Variants in CRAT observed in about 807,000 individuals in gnomAD.
CRAT encodes the protein carnitine O-acetyltransferase, also known as carnitine acetylase.
Under a neutral mutation model 73.7 loss-of-function variants are expected in CRAT, and 66 were observed. The observed-to-expected ratio is 0.90, with a 90% CI of 0.73 to 1.10. CRAT has a LOEUF of 1.10. Among genes scored for constraint, CRAT ranks in the 50% least tolerant of loss-of-function variants. The pLI, the probability that CRAT is intolerant of heterozygous loss-of-function variation, is 0.00. For synonymous variants in CRAT, 321 were observed against 343.2 expected (o/e 0.94, Z 0.71); for missense variants, 745 against 846.9 (o/e 0.88, Z 1.49).
chr9:129,108,911 G>C, intron 1 of CRAT: 2 of 1,281,812 alleles, frequency 1.6e-6, no homozygotes, highest in Non-Finnish European at 2.0e-6. Flanking sequence ...GGGCTGGAAA[G>C]AGAAGACAAG....
chr9:129,097,931 G>A (rs1847383578), intron 11 of CRAT, 82 bp downstream of exon 11: 5 of 1,547,492 alleles, frequency 3.2e-6, no homozygotes, highest in Non-Finnish European at 4.4e-6. Context: ...TCCTGTAGGT[G>A]CTCAATTATT....
Position 129,110,455 on chromosome 9 carries a change from C to T in CRAT, c.27+28G>A. On this transcript the variant is annotated intron_variant, in intron 1 of 13. Transcript: ENST00000318080. The surrounding 1 kb of genome is among the most constrained non-coding windows in gnomAD (Gnocchi z 5.3). ...ACGGCCCGCCCAGGCCGTCCAGGGCCCTCAGGCCCGGGATCCGCCGCACTC... is the reference window on the plus strand; with the variant it reads ...ACGGCCCGCCCAGGCCGTCCAGGGCTCTCAGGCCCGGGATCCGCCGCACTC... 1.9e-6 allele frequency: 3 copies of T among 1,563,946 alleles called. No individual in the cohort carries two copies. The highest frequency in any genetic ancestry group is 1.2e-5 in the South Asian group (1 of 85,886).
intron 1 of CRAT, chr9:129,108,939 A>G: frequency 8.0e-7 from 1 of 1,257,784 alleles, no homozygotes; most frequent in Non-Finnish European, 1.0e-6. Context: ...ATTCAGCGGG[A>G]GGCAGGTGGC....
chr9:129,108,761 A>G (rs1223493325), intron 1 of CRAT: 5 of 1,303,988 alleles, frequency 3.8e-6, no homozygotes, highest in South Asian at 2.5e-5. Flanking sequence ...TCTGTTCCAT[A>G]CCTTCTCTCT....
At chr9:129,099,714 G>A in intron 8 of CRAT, 152 bp downstream of exon 8, 1 of 573,944 alleles carries the variant, frequency 1.7e-6, no homozygotes, top group Non-Finnish European at 3.0e-6. Flanking sequence ...AGGATTACAG[G>A]CGTGAGCCAC....
Position 129,110,504 on chromosome 9 carries a change from T to C in CRAT, c.6A>G (p.Leu2=). M[L]AFAARTVVKP... Reference sequence around the variant, plus strand: ...TCACCACGGTCCTGGCAGCGAAGGCTAACATCTTCGCTGCCCGTCCGCGGA... The same window carrying C: ...TCACCACGGTCCTGGCAGCGAAGGCCAACATCTTCGCTGCCCGTCCGCGGA... The change falls in exon 1 of 14, where the codon TTA becomes TTG. Residue 2 remains leucine, a synonymous_variant. Coordinates refer to ENST00000318080, the MANE Select transcript of CRAT (RefSeq NM_000755.5). The surrounding 1 kb of genome is among the most constrained non-coding windows in gnomAD (Gnocchi z 5.3). 8.2e-6 allele frequency: 13 copies of C among 1,580,928 alleles called. No individual in the cohort carries two copies. Among genetic ancestry groups the C allele is most frequent in the Non-Finnish European group, 1.1e-5 (13 of 1,170,236 alleles).
rs759099705 is a variant in CRAT, at chr9:129,094,861, G to A, written c.*536C>T. On this transcript the variant is annotated 3_prime_UTR_variant, in exon 14 of 14. Transcript: ENST00000318080. ...ATATCATACAGCAGGGCGGGGGCAG[G>A]AACCAAGCTGAGTGGAACCAGAGGC... is the stretch of plus-strand genomic sequence containing the variant. 8 of 162,256 alleles carry A rather than the reference G, an allele frequency of 4.9e-5. No individual in the cohort carries two copies. Among genetic ancestry groups the A allele is most frequent in the Non-Finnish European group, 9.4e-5 (7 of 74,218 alleles). The allele number at this position is 162,256 out of a possible 1,614,324, so 10.1% of individuals were successfully genotyped here.
chr9:129,109,232 G>A (rs902685764), intron 1 of CRAT: 2 of 1,304,122 alleles, frequency 1.5e-6, no homozygotes, highest in African/African-American at 3.0e-5. Context: ...CTGGAGGACA[G>A]AGACTGCCTG....
At chr9:129,102,099 G>T (rs1329775853) in intron 5 of CRAT, 42 bp from the exon 6 acceptor site, 1 of 1,595,348 alleles carries the variant, frequency 6.3e-7, no homozygotes, top group Non-Finnish European at 8.5e-7. Context: ...GCTGAGTGGG[G>T]ACCTCAGGCT....
intron 12 of CRAT, 138 bp from the exon 13 acceptor site, chr9:129,096,273 A>G (rs1847277150): frequency 9.6e-6 from 11 of 1,139,908 alleles, no homozygotes; most frequent in Non-Finnish European, 1.4e-5. Flanking sequence ...CTGGCCAGAG[A>G]GAGCCTTCGT....
rs757851093 is a variant in CRAT, at chr9:129,100,509, ACCTGCAGCG to A, written c.977_984+1del. 9 of 1,611,932 alleles carry A rather than the reference ACCTGCAGCG, an allele frequency of 5.6e-6. No homozygotes were observed. Among genetic ancestry groups the A allele is most frequent in the Non-Finnish European group, 7.6e-6 (9 of 1,179,232 alleles). ...AGTGGGCGAAGCCCTGCCGGGCCTC[ACCTGCAGCG>A]TCTTGTCGAACCAGCGGTTGCCGCT... On this transcript the variant is annotated splice_donor_variant and coding_sequence_variant, in exon 7 of 14. Coordinates refer to ENST00000318080, the MANE Select transcript of CRAT (RefSeq NM_000755.5). LOFTEE classifies it high-confidence loss of function.
chr9:129,098,057 C>T lies in CRAT; in HGVS notation c.1420G>A (p.Asp474Asn). Residue 474 changes from aspartate (D) to asparagine (N), a missense_variant, in exon 11 of 14, where the codon GAC becomes AAC. By Grantham distance (23) the Asp-to-Asn change is conservative. Coordinates refer to ENST00000318080, the MANE Select transcript of CRAT (RefSeq NM_000755.5). ...RTDTIRSASMDSLTFVKAMDD... is the reference protein window; with the variant it reads ...RTDTIRSASMNSLTFVKAMDD... ...ATGGCCTTGACAAAGGTGAGTGAGT[C>T]CATGGAAGCCGAGCGGATGGTGTCG... 2 of 1,614,066 alleles carry T rather than the reference C, an allele frequency of 1.2e-6. No individual in the cohort carries two copies. The highest frequency in any genetic ancestry group is 1.7e-6 in the Non-Finnish European group (2 of 1,180,052).
intron 6 of CRAT, among the ~76,000 whole-genome samples, chr9:129,101,152 G>A (rs1847648987): frequency 6.6e-6 from 1 of 152,226 alleles, no homozygotes; most frequent in Non-Finnish European, 1.5e-5. Flanking sequence ...ATTTAGCTGA[G>A]AGAAACTACC....
rs911626998 is a variant in CRAT at position 129,103,704 on chromosome 9, G to T, written c.410+484C>A. On this transcript the variant is annotated intron_variant, in intron 3 of 13. Coordinates refer to ENST00000318080, the MANE Select transcript of CRAT (RefSeq NM_000755.5). The surrounding 1 kb of genome is among the most constrained non-coding windows in gnomAD (Gnocchi z 4.6). ...ACCCTGGTCCCTTTAAGAGAAGCAG[G>T]TGGTGGCAGCCAGTGGCTGGTCCTT... Among the ~76,000 whole-genome samples, 1 of 152,192 alleles carries T rather than the reference G, an allele frequency of 6.6e-6. No homozygotes were observed. Among genetic ancestry groups the T allele is most frequent in the Non-Finnish European group, 1.5e-5 (1 of 68,036 alleles).
intron 8 of CRAT, 113 bp downstream of exon 8, chr9:129,099,753 A>G: frequency 1.2e-6 from 1 of 816,654 alleles, no homozygotes; most frequent in Non-Finnish European, 1.8e-6. Context: ...TTGGAAAAAA[A>G]CAGATTCCCA....
Position 129,103,610 on chromosome 9 carries a change from G to A in CRAT, c.411-544C>T, listed in dbSNP as rs576576683. Among the ~76,000 whole-genome samples, 123 of 152,262 alleles carry A rather than the reference G, an allele frequency of 8.1e-4. No individual in the cohort carries two copies. Among genetic ancestry groups the A allele is most frequent in the Non-Finnish European group, 1.5e-3 (100 of 67,992 alleles). ...GCAACCACCCTCAATGCTTGGGGCCGCCCCTGGATCCCACCATGGGGACCA... is the reference window on the plus strand; with the variant it reads ...GCAACCACCCTCAATGCTTGGGGCCACCCCTGGATCCCACCATGGGGACCA... On this transcript the variant is annotated intron_variant, in intron 3 of 13. Coordinates refer to ENST00000318080, the MANE Select transcript of CRAT (RefSeq NM_000755.5). This position sits in a 1 kb window ranked among gnomAD's most constrained non-coding sequence, Gnocchi z 4.6.
intron 6 of CRAT, among the ~76,000 whole-genome samples, chr9:129,101,337 A>G (rs932292617): frequency 6.6e-6 from 1 of 152,174 alleles, no homozygotes; most frequent in African/African-American, 2.4e-5. Context: ...AATAGGGGAC[A>G]ATAAGTTGTG....
rs778213860 is a variant in CRAT, at chr9:129,099,886, C to T, written c.1065G>A (p.Leu355=). 6 of 1,613,716 alleles carry T rather than the reference C, an allele frequency of 3.7e-6. No individual in the cohort carries two copies. In the South Asian group the frequency reaches 5.5e-5, roughly 15 times the overall value. Residue 355 remains leucine (L), a synonymous_variant, in exon 8 of 14, where the codon CTG becomes CTA. Coordinates refer to ENST00000318080, the MANE Select transcript of CRAT (RefSeq NM_000755.5). ...CTCACGTGTACTCGATGACATAGTC[C>T]AGAAGGGTGACAATAGGGGGCCCCT... The part of the protein sequence containing the change: ...AAEGPPIVTL[L]DYVIEYTKKP...
At chr9:129,108,260 A>T in intron 1 of CRAT, 183 bp from the exon 2 acceptor site, 75 of 881,414 alleles carry the variant, frequency 8.5e-5, no homozygotes, top group Middle Eastern at 7.7e-4. Context: ...GGGCCTGGAG[A>T]TGCAGGTAGG....
Sources: allele counts gnomAD v4.1 joint callset (sites outside exome capture counted in the v4.1 genomes callset), GRCh38; gene constraint gnomAD v4.1.1; non-coding constraint Gnocchi (gnomAD v3.1); transcripts MANE v1.5; gene names NCBI Gene and HGNC (gene_info 2026-07-23, HGNC 2026-07-21).